Variants in DYNC2H1 observed in about 807,000 individuals in gnomAD.
The protein encoded by DYNC2H1 is dynein cytoplasmic 2 heavy chain 1, also known as cytoplasmic dynein 2 heavy chain 1.
Under a neutral mutation model 570.0 loss-of-function variants are expected in DYNC2H1, and 410 were observed. The ratio of observed to expected loss-of-function variants is 0.72; its 90% CI spans 0.66 to 0.78. DYNC2H1 has a LOEUF of 0.78. Ranked by LOEUF, DYNC2H1 falls within the 30% of genes least tolerant of loss-of-function variation. The pLI is 0.00. For missense variants in DYNC2H1, 4,865 were observed against 5,046.4 expected, an observed-to-expected ratio of 0.96 and a Z score of 1.09; for synonymous variants, 1,688 against 1,677.6, an observed-to-expected ratio of 1.01 and a Z score of -0.15.
rs533660804 is a variant in DYNC2H1 at position 103,272,748 on chromosome 11, A to T, written c.10696-7600A>T. Among the ~76,000 whole-genome samples, 6 of 152,252 alleles carry T rather than the reference A, an allele frequency of 3.9e-5. No individual in the cohort carries two copies. In the East Asian group the frequency reaches 1.2e-3, roughly 29 times the overall value. On this transcript the variant is annotated intron_variant, in intron 70 of 88. Transcript: ENST00000375735. ...AATGTCATATTAATCCTGATCTAGT[A>T]GTTTCACTCTAATTATAATTATTTA...
At chr11:103,330,592 CTTTA>C (rs1275372237) in intron 82 of DYNC2H1, among the ~76,000 whole-genome samples, 2 of 130,270 alleles carry the variant, frequency 1.5e-5, no homozygotes, top group South Asian at 2.4e-4. Context: ...TAATATATAT[CTTTA>C]TTTACCCAGA....
In DYNC2H1 at chr11:103,289,889, C is replaced by G. The variant is rs1256334633; in HGVS notation, c.11095+2284C>G. ...TCCTCAATCCAATATGATTGGTGTC[C>G]TTACAAGAAGACATCCATGTAAAGA... On this transcript the variant is annotated intron_variant, in intron 75 of 88. Transcript: ENST00000375735. This position sits in a 1 kb window ranked among gnomAD's most constrained non-coding sequence, Gnocchi z 4.2. Among the ~76,000 whole-genome samples, 1 of 151,960 alleles carries G rather than the reference C, an allele frequency of 6.6e-6. No homozygotes were observed. The highest frequency in any genetic ancestry group is 1.5e-5 in the Non-Finnish European group (1 of 68,004).
intron 88 of DYNC2H1, among the ~76,000 whole-genome samples, chr11:103,476,573 C>CCT (rs2135871442): frequency 6.6e-6 from 1 of 152,226 alleles, no homozygotes; most frequent in Admixed American, 6.5e-5. Context: ...AAATTTAGGA[C>CCT]AGATGGTGTT....
chr11:103,128,882 T>C, intron 12 of DYNC2H1, 28 bp from the exon 13 acceptor site: 1 of 1,451,172 alleles, frequency 6.9e-7, no homozygotes, highest in Non-Finnish European at 9.4e-7. Flanking sequence ...AGTTATTAAT[T>C]ATTACTAATT....
chr11:103,428,005 T>C (rs1943733867), intron 84 of DYNC2H1, among the ~76,000 whole-genome samples: 1 of 150,966 alleles, frequency 6.6e-6, no homozygotes. Flanking sequence ...TATATATAAG[T>C]ATATATATAT....
chr11:103,148,097 A>G lies in DYNC2H1; in HGVS notation c.2818+210A>G, dbSNP rs11225570. ...CTGAGCTAGTATTAGATTGTTGCATATGTAGCTGAGAAAGGTAGATAATTC... is the reference window on the plus strand; with the variant it reads ...CTGAGCTAGTATTAGATTGTTGCATGTGTAGCTGAGAAAGGTAGATAATTC... On this transcript the variant is annotated intron_variant, in intron 19 of 88. Transcript: ENST00000375735. 0.047 allele frequency among the ~76,000 whole-genome samples: 7,209 copies of G among 152,264 alleles called. 236 individuals carry two copies. Among genetic ancestry groups the G allele is most frequent in the Non-Finnish European group, 0.068 (4,622 of 67,972 alleles).
At chr11:103,196,797 A>G (rs529167789) in intron 47 of DYNC2H1, among the ~76,000 whole-genome samples, 2 of 152,268 alleles carry the variant, frequency 1.3e-5, no homozygotes, top group Admixed American at 1.3e-4. Flanking sequence ...TGCAAAGAAG[A>G]TTTAGATTTG....
chr11:103,314,195 A>G (rs1265126232), intron 79 of DYNC2H1, among the ~76,000 whole-genome samples: 1 of 152,138 alleles, frequency 6.6e-6, no homozygotes, highest in African/African-American at 2.4e-5. Context: ...AGGGTCCACT[A>G]TTAACCATTT....
At chr11:103,456,867 T>C (rs935035578) in intron 87 of DYNC2H1, among the ~76,000 whole-genome samples, 25 of 152,206 alleles carry the variant, frequency 1.6e-4, no homozygotes, top group African/African-American at 5.5e-4. Flanking sequence ...ACAAAATTCT[T>C]TAAAATATTA....
chr11:103,399,327 T>TTTTTG lies in DYNC2H1; in HGVS notation c.12157-336_12157-335insTTTTG, dbSNP rs55702463. ...TCGGCTAATTTTTTTTTTTTTTTTT[T>TTTTTG]GTATTTTTAGTAGAGGCGGGGTTTC... On this transcript the variant is annotated intron_variant, in intron 83 of 88. Transcript: ENST00000375735. Among the ~76,000 whole-genome samples the TTTTTG allele has an allele frequency of 2.9e-3, 392 of 136,380 alleles. 2 individuals carry two copies. Among genetic ancestry groups the TTTTTG allele is most frequent in the African/African-American group, 0.011 (374 of 35,396 alleles). The allele number at this position is 136,380 out of a possible 152,430, so 89.5% of individuals were successfully genotyped here.
intron 84 of DYNC2H1, among the ~76,000 whole-genome samples, chr11:103,424,968 C>T (rs1176270938): frequency 6.6e-6 from 1 of 152,186 alleles, no homozygotes; most frequent in Non-Finnish European, 1.5e-5. Context: ...CAGGGTCTCA[C>T]TCTGTCACCT....
chr11:103,346,759 CAAAAG>C (rs1939764922), intron 82 of DYNC2H1, among the ~76,000 whole-genome samples: 3 of 152,024 alleles, frequency 2.0e-5, no homozygotes, highest in African/African-American at 7.2e-5. Flanking sequence ...TTCAAGATAA[CAAAAG>C]AAAAGTTGAT....
In DYNC2H1 at chr11:103,228,771, G is replaced by A. The variant is rs1374692641; in HGVS notation, c.9354-2489G>A. On this transcript the variant is annotated intron_variant, in intron 59 of 88. Coordinates refer to ENST00000375735, the MANE Select transcript of DYNC2H1 (RefSeq NM_001377.3). The surrounding 1 kb of genome is among the most constrained non-coding windows in gnomAD (Gnocchi z 6.1). ...CTGGTTAACTCTTCAGGTTTCTCAGGCGGTGGGCAGGGCCTTAGAGCTTTC... is the reference window on the plus strand; with the variant it reads ...CTGGTTAACTCTTCAGGTTTCTCAGACGGTGGGCAGGGCCTTAGAGCTTTC... 3.3e-5 allele frequency among the ~76,000 whole-genome samples: 5 copies of A among 152,142 alleles called. No homozygotes were observed. Among genetic ancestry groups the A allele is most frequent in the Admixed American group, 3.3e-4 (5 of 15,264 alleles).
intron 78 of DYNC2H1, among the ~76,000 whole-genome samples, chr11:103,310,685 T>C (rs1182875709): frequency 1.1e-5 from 1 of 87,464 alleles, no homozygotes; most frequent in East Asian, 3.9e-4. Flanking sequence ...TTTTTTTTTT[T>C]TTTTTTTTTT....
At chr11:103,367,813 C>T (rs1940978971) in intron 83 of DYNC2H1, among the ~76,000 whole-genome samples, 1 of 152,128 alleles carries the variant, frequency 6.6e-6, no homozygotes, top group Admixed American at 6.5e-5. Flanking sequence ...ACTCTCTGCT[C>T]CTATGTTACC....
Position 103,243,246 on chromosome 11 carries a change from A to C in DYNC2H1, c.9820-447A>C, listed in dbSNP as rs948319226. ...TTTATGGCCTTTATAGTTTTTATTC[A>C]AACAAAGAATATAGATAGATAGATA... On this transcript the variant is annotated intron_variant, in intron 63 of 88. Coordinates refer to ENST00000375735, the MANE Select transcript of DYNC2H1 (RefSeq NM_001377.3). This position sits in a 1 kb window ranked among gnomAD's most constrained non-coding sequence, Gnocchi z 4.8. Among the ~76,000 whole-genome samples the C allele has an allele frequency of 6.8e-6, 1 of 147,876 alleles. No homozygotes were observed. Among genetic ancestry groups the C allele is most frequent in the Non-Finnish European group, 1.5e-5 (1 of 67,192 alleles).
intron 84 of DYNC2H1, chr11:103,403,722 A>T (rs1942741164): frequency 6.6e-6 from 1 of 152,090 alleles, no homozygotes; most frequent in Non-Finnish European, 1.5e-5. Context: ...ACTAATATAC[A>T]GATGGGTATC....
intron 15 of DYNC2H1, among the ~76,000 whole-genome samples, chr11:103,134,747 A>C (rs1030625850): frequency 6.6e-5 from 10 of 152,096 alleles, no homozygotes; most frequent in Non-Finnish European, 1.3e-4. Flanking sequence ...GTAAAAAACA[A>C]AGTTAAGTTT....
At chr11:103,451,419 G>A (rs921208505) in intron 85 of DYNC2H1, among the ~76,000 whole-genome samples, 2 of 124,916 alleles carry the variant, frequency 1.6e-5, no homozygotes, top group African/African-American at 3.1e-5. Context: ...TGCAACCTCC[G>A]CCTCCCAGGT....
Sources: allele counts gnomAD v4.1 joint callset (sites outside exome capture counted in the v4.1 genomes callset), GRCh38; gene constraint gnomAD v4.1.1; non-coding constraint Gnocchi (gnomAD v3.1); transcripts MANE v1.5; gene names NCBI Gene and HGNC (gene_info 2026-07-23, HGNC 2026-07-21).